The following AGAP1 variants were observed in gnomAD, a reference collection of about 807,000 sequenced individuals.
AGAP1 encodes the protein arf-GAP with GTPase, ANK repeat and PH domain-containing protein 1.
In AGAP1, 29 loss-of-function variants were observed where a neutral mutation model predicts 105.3. The observed-to-expected ratio is 0.28, with a 90% CI of 0.21 to 0.38. The LOEUF (loss-of-function observed/expected upper bound fraction) is 0.38. Among genes scored for constraint, AGAP1 ranks in the 10% least tolerant of loss-of-function variants. The probability of loss-of-function intolerance (pLI) is 1.00; values close to 1 mark genes in which losing one functional copy is unlikely to be tolerated. For synonymous variants in AGAP1, 509 were observed against 485.9 expected, an observed-to-expected ratio of 1.05 and a Z score of -0.63; for missense variants, 998 against 1,165.1, an observed-to-expected ratio of 0.86 and a Z score of 2.09.
chr2:236,057,665 T>C (rs920437135), intron 16 of AGAP1, among the ~76,000 whole-genome samples: 22 of 152,150 alleles, frequency 1.4e-4, no homozygotes, highest in African/African-American at 3.6e-4. Context: ...ATCATATTTA[T>C]TATCTGCATG....
At chr2:235,634,840 C>T (rs1184362863) in intron 1 of AGAP1, among the ~76,000 whole-genome samples, 1 of 152,106 alleles carries the variant, frequency 6.6e-6, no homozygotes, top group East Asian at 1.9e-4. Flanking sequence ...TTACGTACCA[C>T]GAAGGAGGCT....
chr2:235,975,334 C>T (rs2054815307), intron 13 of AGAP1, among the ~76,000 whole-genome samples: 1 of 152,092 alleles, frequency 6.6e-6, no homozygotes, highest in Admixed American at 6.6e-5. Flanking sequence ...GCATGCATAT[C>T]GTACAGTGTT....
At position 235,612,101 on chromosome 2, in the gene AGAP1, C is replaced by T. The variant is rs556286252; in HGVS notation, c.164-97078C>T. Reference sequence around the variant, plus strand: ...ACATGCTTTATTTTCTACTTGTAATCGTAATCTGAGTGCAATTTCAGGACT... The same window carrying T: ...ACATGCTTTATTTTCTACTTGTAATTGTAATCTGAGTGCAATTTCAGGACT... On this transcript the variant is annotated intron_variant, in intron 1 of 17. Coordinates refer to ENST00000304032, the MANE Select transcript of AGAP1 (RefSeq NM_001037131.3). The surrounding 1 kb of genome is among the most constrained non-coding windows in gnomAD (Gnocchi z 4.3). 1.9e-4 allele frequency among the ~76,000 whole-genome samples: 29 copies of T among 152,350 alleles called. No homozygotes were observed. Among genetic ancestry groups the T allele is most frequent in the Admixed American group, 1.4e-3 (21 of 15,306 alleles).
chr2:235,991,696 G>T (rs1384966363), intron 13 of AGAP1, among the ~76,000 whole-genome samples: 1 of 152,180 alleles, frequency 6.6e-6, no homozygotes, highest in Non-Finnish European at 1.5e-5. Flanking sequence ...TAAAGTGAAG[G>T]CAATCACATA....
chr2:235,704,962 C>CTTTTTTTTTTTTTTTTTTTTTTTTTTTT (rs796721149), intron 1 of AGAP1, among the ~76,000 whole-genome samples: 1 of 86,010 alleles, frequency 1.2e-5, no homozygotes, highest in South Asian at 5.3e-4. Context: ...ATACAAGATG[C>CTTTTTTTTTTTTTTTTTTTTTTTTTTTT]TTTTTTCTTT....
intron 1 of AGAP1, among the ~76,000 whole-genome samples, chr2:235,658,947 C>G (rs975578517): frequency 2.0e-5 from 3 of 152,212 alleles, no homozygotes; most frequent in Non-Finnish European, 2.9e-5. Context: ...TTGCTTTTCT[C>G]TCTGCCCTCC....
Position 235,552,663 on chromosome 2 carries a change from G to T in AGAP1, c.163+57814G>T, listed in dbSNP as rs962316516. Reference sequence around the variant, plus strand: ...TGGCAGAGGTTTGGAGCTGGGTTGTGGGTGAGGGATGCAGAGAGGCTTAAC... The same window carrying T: ...TGGCAGAGGTTTGGAGCTGGGTTGTTGGTGAGGGATGCAGAGAGGCTTAAC... On this transcript the variant is annotated intron_variant, in intron 1 of 17. Coordinates refer to ENST00000304032, the MANE Select transcript of AGAP1 (RefSeq NM_001037131.3). The surrounding 1 kb of genome is among the most constrained non-coding windows in gnomAD (Gnocchi z 5.9). 1.3e-5 allele frequency among the ~76,000 whole-genome samples: 2 copies of T among 152,192 alleles called. No individual in the cohort carries two copies. The highest frequency in any genetic ancestry group is 2.4e-5 in the African/African-American group (1 of 41,454).
rs1953682723 is a variant in AGAP1, at chr2:235,753,884, T to A, written c.673+3396T>A. On this transcript the variant is annotated intron_variant, in intron 6 of 17. Coordinates refer to ENST00000304032, the MANE Select transcript of AGAP1 (RefSeq NM_001037131.3). This position sits in a 1 kb window ranked among gnomAD's most constrained non-coding sequence, Gnocchi z 4.5. ...TCATAGTTATATGGTATATGGTTTC[T>A]TATTTGTATATGTATTTTCATGTAA... Among the ~76,000 whole-genome samples the A allele has an allele frequency of 6.6e-6, 1 of 151,126 alleles. No homozygotes were observed. The highest frequency in any genetic ancestry group is 2.5e-5 in the African/African-American group (1 of 40,390).
intron 9 of AGAP1, among the ~76,000 whole-genome samples, chr2:235,863,672 C>A (rs1439717699): frequency 6.6e-6 from 1 of 152,204 alleles, no homozygotes; most frequent in Non-Finnish European, 1.5e-5. Flanking sequence ...GGGGAGAGCA[C>A]ATGGCTAACT....
Position 235,682,131 on chromosome 2 carries a change from G to A in AGAP1, c.164-27048G>A, listed in dbSNP as rs568698040. 6.6e-5 allele frequency among the ~76,000 whole-genome samples: 10 copies of A among 152,000 alleles called. No homozygotes were observed. In the East Asian group the frequency reaches 7.8e-4, roughly 12 times the overall value. ...CTCCCAAAGTGCTGGGATTACAGGCGTGAGCCACCGTGCTTGGCCTCGGTT... is the reference window on the plus strand; with the variant it reads ...CTCCCAAAGTGCTGGGATTACAGGCATGAGCCACCGTGCTTGGCCTCGGTT... On this transcript the variant is annotated intron_variant, in intron 1 of 17. Transcript: ENST00000304032.
chr2:235,961,726 G>A lies in AGAP1; in HGVS notation c.1484-6736G>A, dbSNP rs1362797174. Among the ~76,000 whole-genome samples the A allele has an allele frequency of 6.6e-6, 1 of 152,228 alleles. No homozygotes were observed. Among genetic ancestry groups the A allele is most frequent in the Admixed American group, 6.5e-5 (1 of 15,284 alleles). On this transcript the variant is annotated intron_variant, in intron 12 of 17. Coordinates refer to ENST00000304032, the MANE Select transcript of AGAP1 (RefSeq NM_001037131.3). This position sits in a 1 kb window ranked among gnomAD's most constrained non-coding sequence, Gnocchi z 5.9. ...AGATCGAGACCATCCTGGCCAACAT[G>A]TTGAAACCCGTCTCTACTAAAAATA...
At chr2:235,859,526 T>C (rs1440917696) in intron 9 of AGAP1, among the ~76,000 whole-genome samples, 1 of 135,752 alleles carries the variant, frequency 7.4e-6, no homozygotes, top group Non-Finnish European at 1.5e-5. Flanking sequence ...TCTAGTTTCT[T>C]ATTTTTTCTG....
chr2:235,525,069 A>G (rs1323857138), intron 1 of AGAP1, among the ~76,000 whole-genome samples: 7 of 152,234 alleles, frequency 4.6e-5, no homozygotes, highest in Admixed American at 4.6e-4. Flanking sequence ...GGCAGGCGTG[A>G]AATTTACAAC....
rs760203738 is a variant in AGAP1 at position 235,747,898 on chromosome 2, A to G, written c.539-2456A>G. ...AAAGAACGGAAGAGGAATTAGGTTC[A>G]TTGCCAAAGGATTCCTGGGCTGGGG... On this transcript the variant is annotated intron_variant, in intron 5 of 17. Coordinates refer to ENST00000304032, the MANE Select transcript of AGAP1 (RefSeq NM_001037131.3). This position sits in a 1 kb window ranked among gnomAD's most constrained non-coding sequence, Gnocchi z 5.0. Among the ~76,000 whole-genome samples, 6 of 152,184 alleles carry G rather than the reference A, an allele frequency of 3.9e-5. No individual in the cohort carries two copies. Among genetic ancestry groups the G allele is most frequent in the Non-Finnish European group, 5.9e-5 (4 of 68,030 alleles).
At chr2:235,702,820 TTATGTGGTTTG>T (rs1289536275) in intron 1 of AGAP1, among the ~76,000 whole-genome samples, 2 of 151,976 alleles carry the variant, frequency 1.3e-5, no homozygotes, top group African/African-American at 4.8e-5. Flanking sequence ...CTGGCAATTT[TTATGTGGTTTG>T]ATGGAATATA....
chr2:235,598,188 A>G (rs907412366), intron 1 of AGAP1, among the ~76,000 whole-genome samples: 3 of 151,914 alleles, frequency 2.0e-5, no homozygotes, highest in African/African-American at 7.3e-5. Flanking sequence ...TGGCGTGTCT[A>G]CAGCATCCCA....
intron 2 of AGAP1, 95 bp downstream of exon 2, chr2:235,709,332 GC>G: frequency 7.2e-7 from 1 of 1,382,038 alleles, no homozygotes; most frequent in Non-Finnish European, 1.0e-6. Context: ...ATCGCCTGGG[GC>G]CCAGAGTGGA....
chr2:235,768,755 C>T (rs1955182843), intron 6 of AGAP1, among the ~76,000 whole-genome samples: 1 of 152,180 alleles, frequency 6.6e-6, no homozygotes, highest in South Asian at 2.1e-4. Context: ...GTAGGCACAG[C>T]CGCCGTGGGA....
intron 9 of AGAP1, among the ~76,000 whole-genome samples, chr2:235,873,092 T>C (rs1258970797): frequency 6.6e-6 from 1 of 152,142 alleles, no homozygotes; most frequent in African/African-American, 2.4e-5. Flanking sequence ...GTCCCCAGGG[T>C]GCTTATGCAG....
Sources: gnomAD v4.1 joint callset for allele counts (sites outside exome capture counted in the v4.1 genomes callset) on GRCh38, gnomAD v4.1.1 for gene constraint, Gnocchi (gnomAD v3.1) non-coding constraint, MANE v1.5 for transcripts, NCBI Gene and HGNC (gene_info 2026-07-23, HGNC 2026-07-21) for gene names.